The following DYNC1H1 variants were observed in gnomAD, a reference collection of about 807,000 sequenced individuals.
DYNC1H1 encodes the protein dynein cytoplasmic 1 heavy chain 1.
Under a neutral mutation model 527.1 loss-of-function variants are expected in DYNC1H1, and 51 were observed. The ratio of observed to expected loss-of-function variants is 0.10; its 90% CI spans 0.08 to 0.12. The LOEUF (loss-of-function observed/expected upper bound fraction) is 0.12. Among genes scored for constraint, DYNC1H1 ranks in the 10% least tolerant of loss-of-function variants. DYNC1H1 has a pLI of 1.00. For missense variants in DYNC1H1, 2,771 were observed against 5,971.8 expected (o/e 0.46, Z 17.66); for synonymous variants, 2,189 against 2,278.8 (o/e 0.96, Z 1.12).
intron 43 of DYNC1H1, among the ~76,000 whole-genome samples, chr14:102,023,999 A>G (rs1483696798): frequency 6.6e-6 from 1 of 152,216 alleles, no homozygotes; most frequent in African/African-American, 2.4e-5. Context: ...GTTTGCAGTC[A>G]CTGATACTTT....
Position 102,042,756 on chromosome 14 carries a change from C to A in DYNC1H1, c.12513+8C>A. The A allele has an allele frequency of 6.2e-7, 1 of 1,613,856 alleles. No individual in the cohort carries two copies. Among genetic ancestry groups the A allele is most frequent in the Non-Finnish European group, 8.5e-7 (1 of 1,179,896 alleles). The stretch of plus-strand genomic sequence containing the variant: ...GTCTCACGGATATGCAAGGTAAGTA[C>A]CTTGTCCTCCTGGTATGCTTTCCCC... On this transcript the variant is annotated splice_region_variant and intron_variant, in intron 69 of 77. Coordinates refer to ENST00000360184, the MANE Select transcript of DYNC1H1 (RefSeq NM_001376.5). The surrounding 1 kb of genome is among the most constrained non-coding windows in gnomAD (Gnocchi z 5.7).
At position 102,044,601 on chromosome 14, in the gene DYNC1H1, G is replaced by A. The variant is rs2048693141; in HGVS notation, c.12909G>A (p.Glu4303=). Residue 4303 remains glutamate (E), a synonymous_variant, in exon 72 of 78, where the codon GAG becomes GAA. Transcript: ENST00000360184. This position sits in a 1 kb window ranked among gnomAD's most constrained non-coding sequence, Gnocchi z 7.1. ...DIQMPDGIRR[E]EFVQWVELLP... ...AAATGCACTGGTTTTCTAGGCGAGA[G>A]GAGTTTGTGCAGTGGGTGGAGTTGC... is the stretch of plus-strand genomic sequence containing the variant. 1.9e-6 allele frequency: 3 copies of A among 1,614,110 alleles called. No individual in the cohort carries two copies.
chr14:101,984,784 T>C (rs2047913685), intron 7 of DYNC1H1, among the ~76,000 whole-genome samples: 1 of 150,734 alleles, frequency 6.6e-6, no homozygotes, highest in East Asian at 2.0e-4. Flanking sequence ...TACAAAAAAA[T>C]TAGCTGGGCG....
rs2048143100 is a variant in DYNC1H1, at chr14:102,002,459, G to A, written c.4543-78G>A. 1.9e-6 allele frequency: 3 copies of A among 1,576,424 alleles called. No homozygotes were observed. The highest frequency in any genetic ancestry group is 1.7e-5 in the Admixed American group (1 of 59,882). Reference sequence around the variant, plus strand: ...AGATTACTTCATGAGATCCTGATCTGCGCTTTTTCAGTGAGTTTTGGCATA... The same window carrying A: ...AGATTACTTCATGAGATCCTGATCTACGCTTTTTCAGTGAGTTTTGGCATA... On this transcript the variant is annotated intron_variant, in intron 21 of 77. Transcript: ENST00000360184. This position sits in a 1 kb window ranked among gnomAD's most constrained non-coding sequence, Gnocchi z 4.4.
chr14:102,008,355 C>T lies in DYNC1H1; in HGVS notation c.5977+18C>T. The T allele has an allele frequency of 6.2e-7, 1 of 1,613,694 alleles. No homozygotes were observed. The highest frequency in any genetic ancestry group is 8.5e-7 in the Non-Finnish European group (1 of 1,179,864). ...CGACAAGAGTAAGACACCTCTTCTT[C>T]AAAAATTACTTAGAGAATGTAGAGG... On this transcript the variant is annotated intron_variant, in intron 29 of 77. Transcript: ENST00000360184.
chr14:101,975,300 G>A (rs912214181), intron 1 of DYNC1H1, among the ~76,000 whole-genome samples: 4 of 152,226 alleles, frequency 2.6e-5, no homozygotes, highest in African/African-American at 9.6e-5. Flanking sequence ...CTGAGTGAAC[G>A]GCTGAGCAGA....
In DYNC1H1 at chr14:102,044,059, A is replaced by G. The variant is rs200392758; in HGVS notation, c.12684+14A>G. On this transcript the variant is annotated intron_variant, in intron 70 of 77. Coordinates refer to ENST00000360184, the MANE Select transcript of DYNC1H1 (RefSeq NM_001376.5). This position sits in a 1 kb window ranked among gnomAD's most constrained non-coding sequence, Gnocchi z 7.1. ...GACACGGCCAAGGCAAGTGTGGGCCATGCCAGGACAGACAGTGGACGTGTA... is the reference window on the plus strand; with the variant it reads ...GACACGGCCAAGGCAAGTGTGGGCCGTGCCAGGACAGACAGTGGACGTGTA... 8.6e-4 allele frequency: 1,383 copies of G among 1,613,250 alleles called. 19 individuals carry two copies. The African/African-American group carries it at 0.016, about 19-fold the overall frequency.
In DYNC1H1 at chr14:102,044,068, C is replaced by T; in HGVS notation, c.12684+23C>T. ...AAGGCAAGTGTGGGCCATGCCAGGACAGACAGTGGACGTGTATCTGGGAAG... is the reference window on the plus strand; with the variant it reads ...AAGGCAAGTGTGGGCCATGCCAGGATAGACAGTGGACGTGTATCTGGGAAG... On this transcript the variant is annotated intron_variant, in intron 70 of 77. Transcript: ENST00000360184. This position sits in a 1 kb window ranked among gnomAD's most constrained non-coding sequence, Gnocchi z 7.1. 1 of 1,612,694 alleles carries T rather than the reference C, an allele frequency of 6.2e-7. No homozygotes were observed. The highest frequency in any genetic ancestry group is 1.7e-4 in the Middle Eastern group (1 of 5,746).
Position 102,017,575 on chromosome 14 carries a change from C to T in DYNC1H1, c.8177+71C>T. On this transcript the variant is annotated intron_variant, in intron 40 of 77. Coordinates refer to ENST00000360184, the MANE Select transcript of DYNC1H1 (RefSeq NM_001376.5). The surrounding 1 kb of genome is among the most constrained non-coding windows in gnomAD (Gnocchi z 4.6). ...CAGGATTGCTGTAAACACAGCGCCA[C>T]AAAAACCTGGTTTTGATAATAAAGA... The T allele has an allele frequency of 6.2e-7, 1 of 1,613,404 alleles. No individual in the cohort carries two copies.
chr14:102,033,861 C>T lies in DYNC1H1; in HGVS notation c.10414-115C>T. The T allele has an allele frequency of 8.8e-7, 1 of 1,130,614 alleles. No homozygotes were observed. Among genetic ancestry groups the T allele is most frequent in the Non-Finnish European group, 1.3e-6 (1 of 771,474 alleles). 70.0% of individuals were successfully genotyped at this position (1,130,614 alleles called of 1,614,324 possible). On this transcript the variant is annotated intron_variant, in intron 54 of 77. Coordinates refer to ENST00000360184, the MANE Select transcript of DYNC1H1 (RefSeq NM_001376.5). The surrounding 1 kb of genome is among the most constrained non-coding windows in gnomAD (Gnocchi z 5.6). ...CCTCTGGGACTGTGAACAACTTGGG[C>T]ACGTTTCTAACCCACCCAAAACCCT...
rs760230019 is a variant in DYNC1H1, at chr14:102,001,223, G to A, written c.4264G>A (p.Val1422Ile). 5.0e-6 allele frequency: 8 copies of A among 1,614,204 alleles called. No homozygotes were observed. The highest frequency in any genetic ancestry group is 3.3e-5 in the South Asian group (3 of 91,084). Residue 1422 changes from valine (V) to isoleucine (I), a missense_variant, in exon 20 of 78, where the codon GTT becomes ATT. By Grantham distance (29) the Val-to-Ile change is conservative. This residue lies in a region of DYNC1H1 where 223 missense variants were observed against 462.5 expected (regional missense o/e 0.48). Coordinates refer to ENST00000360184, the MANE Select transcript of DYNC1H1 (RefSeq NM_001376.5). The surrounding 1 kb of genome is among the most constrained non-coding windows in gnomAD (Gnocchi z 5.0). ...HWKQLMKRLH[V>I]NWVVSELTLG... ...GAAACAGCTCATGAAAAGGCTTCAC[G>A]TTAATTGGGTTGTTTCTGAGCTAAC...
In DYNC1H1 at chr14:102,040,347, G is replaced by C. The variant is rs151307859; in HGVS notation, c.11802G>C (p.Ala3934=). ...IQGLTVEQAE[A]VVRLSCLPAF... is the part of the protein sequence containing the mutation. ...GCCTGACTGTGGAGCAGGCGGAGGC[G>C]GTGGTGAGGCTGAGCTGCCTTCCCG... Residue 3934 remains alanine (A), a synonymous_variant, in exon 63 of 78, where the codon GCG becomes GCC. Coordinates refer to ENST00000360184, the MANE Select transcript of DYNC1H1 (RefSeq NM_001376.5). 72 of 1,614,198 alleles carry C rather than the reference G, an allele frequency of 4.5e-5. No individual in the cohort carries two copies. In the African/African-American group the frequency reaches 9.2e-4, roughly 21 times the overall value.
chr14:102,055,130 T>G lies in DYNC1H1; in HGVS notation c.*4567T>G, dbSNP rs1307050460. 1 of 152,024 alleles carries G rather than the reference T, an allele frequency of 6.6e-6. No homozygotes were observed. Among genetic ancestry groups the G allele is most frequent in the Non-Finnish European group, 1.5e-5 (1 of 68,024 alleles). 9.4% of individuals were successfully genotyped at this position (152,024 alleles called of 1,614,324 possible). On this transcript the variant is annotated 3_prime_UTR_variant, in exon 78 of 78. Coordinates refer to ENST00000360184, the MANE Select transcript of DYNC1H1 (RefSeq NM_001376.5). ...GGAGGACCCTGGAGGAGAAGCCCCC[T>G]CCTCTTCACTTCCACCCTCTCTCTT...
intron 64 of DYNC1H1, 175 bp downstream of exon 64, chr14:102,040,848 A>C: frequency 2.7e-6 from 2 of 740,820 alleles, no homozygotes; most frequent in East Asian, 2.7e-5. Context: ...AGTCCCATCT[A>C]CTCGGGAGGC....
At chr14:101,991,951 C>A (rs1443137983) in intron 11 of DYNC1H1, among the ~76,000 whole-genome samples, 2 of 148,334 alleles carry the variant, frequency 1.3e-5, no homozygotes, top group Non-Finnish European at 3.0e-5. Context: ...CCCCACCCCC[C>A]ACTTTTTATT....
chr14:102,044,415 A>C lies in DYNC1H1; in HGVS notation c.12826A>C (p.Arg4276=). Residue 4276 remains arginine, a synonymous_variant, in exon 71 of 78, where the codon AGG becomes CGG. Coordinates refer to ENST00000360184, the MANE Select transcript of DYNC1H1 (RefSeq NM_001376.5). The surrounding 1 kb of genome is among the most constrained non-coding windows in gnomAD (Gnocchi z 7.1). ...CTTCCTGGAGCGCCTGTTCACAACC[A>C]GGAGTTTCGACAGTGAGTTTAAGCT... The part of the protein sequence containing the change: ...NTFLERLFTT[R]SFDSEFKLAC... The C allele has an allele frequency of 1.2e-6, 2 of 1,614,212 alleles. No homozygotes were observed. Among genetic ancestry groups the C allele is most frequent in the Non-Finnish European group, 1.7e-6 (2 of 1,180,030 alleles).
At chr14:102,014,879 G>T (rs2048302243) in intron 34 of DYNC1H1, among the ~76,000 whole-genome samples, 1 of 152,054 alleles carries the variant, frequency 6.6e-6, no homozygotes, top group South Asian at 2.1e-4. Context: ...GCAGTGGCAT[G>T]ATCTCAGCTC....
rs1332684796 is a variant in DYNC1H1 at position 102,033,433 on chromosome 14, G to A, written c.10362G>A (p.Leu3454=). 6.2e-7 allele frequency: 1 copy of A among 1,614,082 alleles called. No homozygotes were observed. Among genetic ancestry groups the A allele is most frequent in the African/African-American group, 1.3e-5 (1 of 74,942 alleles). ...GCTACAAGGAGGAATACGCCGTCCT[G>A]ATCTCAGAGGCCCAGGCCATCAAGG... ...IARYKEEYAV[L]ISEAQAIKAD... Residue 3454 remains leucine (L), a synonymous_variant, in exon 54 of 78, where the codon CTG becomes CTA. Transcript: ENST00000360184. The surrounding 1 kb of genome is among the most constrained non-coding windows in gnomAD (Gnocchi z 5.6).
In DYNC1H1 at chr14:102,047,641, G is replaced by GTATATATATATATATATA. The variant is rs71116874; in HGVS notation, c.13007-170_13007-153dup. The GTATATATATATATATATA allele has an allele frequency of 2.2e-3, 708 of 316,600 alleles. 5 individuals are homozygous for GTATATATATATATATATA. Among genetic ancestry groups the GTATATATATATATATATA allele is most frequent in the African/African-American group, 4.0e-3 (101 of 25,518 alleles). The allele number at this position is 316,600 out of a possible 1,614,324, so 19.6% of individuals were successfully genotyped here. Reference sequence around the variant, plus strand: ...TACACGTGTGTGTGTGTGTGTGTGTGTATATATATATATATATATATATGT... The same window carrying GTATATATATATATATATA: ...TACACGTGTGTGTGTGTGTGTGTGTGTATATATATATATATATATATATATATATATATATATATATGT... On this transcript the variant is annotated intron_variant, in intron 72 of 77. Coordinates refer to ENST00000360184, the MANE Select transcript of DYNC1H1 (RefSeq NM_001376.5).
Sources: allele counts gnomAD v4.1 joint callset (sites outside exome capture counted in the v4.1 genomes callset), GRCh38; gene constraint gnomAD v4.1.1; regional missense constraint gnomAD v4.1.1; non-coding constraint Gnocchi (gnomAD v3.1); transcripts MANE v1.5; gene names NCBI Gene and HGNC (gene_info 2026-07-23, HGNC 2026-07-21).